Variants in CNTNAP2 observed in about 807,000 individuals in gnomAD.
CNTNAP2 encodes contactin-associated protein-like 2.
Under a neutral mutation model 155.2 loss-of-function variants are expected in CNTNAP2, and 98 were observed. The ratio of observed to expected loss-of-function variants is 0.63; its 90% confidence interval spans 0.54 to 0.75. CNTNAP2 has a LOEUF of 0.75. CNTNAP2 is among the 30% of genes least tolerant of loss of function. The pLI is 0.00. For synonymous variants in CNTNAP2, 651 were observed against 631.2 expected (o/e 1.03, Z -0.47); for missense variants, 1,727 against 1,688.1 (o/e 1.02, Z -0.40).
At chr7:147,711,114 A>T (rs1232181263) in intron 13 of CNTNAP2, among the ~76,000 whole-genome samples, 1 of 152,192 alleles carries the variant, frequency 6.6e-6, no homozygotes, top group Non-Finnish European at 1.5e-5. Context: ...TGTGCTGTGA[A>T]TGTTGATCTT....
chr7:147,017,691 T>C (rs1212936342), intron 3 of CNTNAP2, among the ~76,000 whole-genome samples: 1 of 151,900 alleles, frequency 6.6e-6, no homozygotes. Context: ...CTTTTTACAA[T>C]ACACTCTCAA....
At chr7:147,965,195 T>A (rs1801186062) in intron 14 of CNTNAP2, among the ~76,000 whole-genome samples, 1 of 152,162 alleles carries the variant, frequency 6.6e-6, no homozygotes, top group African/African-American at 2.4e-5. Context: ...CCACTTTTCA[T>A]CTTCTGGACA....
At chr7:147,437,404 T>C (rs1355204010) in intron 10 of CNTNAP2, among the ~76,000 whole-genome samples, 1 of 152,146 alleles carries the variant, frequency 6.6e-6, no homozygotes, top group Non-Finnish European at 1.5e-5. Flanking sequence ...TTTTAGGGAA[T>C]TTTCTTTATT....
Position 146,792,076 on chromosome 7 carries a change from G to A in CNTNAP2, c.208+17695G>A, listed in dbSNP as rs529068920. ...ATCGGGAAATAAAAATCCTGTTGCC[G>A]AATGAGAATTCTACATCTCACTGCC... On this transcript the variant is annotated intron_variant, in intron 2 of 23. Coordinates refer to ENST00000361727, the MANE Select transcript of CNTNAP2 (RefSeq NM_014141.6). 2.4e-4 allele frequency among the ~76,000 whole-genome samples: 37 copies of A among 152,186 alleles called. 1 individual carries two copies. The East Asian group carries it at 5.2e-3, about 21-fold the overall frequency.
chr7:147,146,930 A>C (rs1381228079), intron 8 of CNTNAP2, among the ~76,000 whole-genome samples: 1 of 152,220 alleles, frequency 6.6e-6, no homozygotes, highest in East Asian at 1.9e-4. Flanking sequence ...CTGGGATCAC[A>C]TAGAAGCTTA....
intron 1 of CNTNAP2, among the ~76,000 whole-genome samples, chr7:146,228,007 C>CAG (rs1799323613): frequency 6.6e-6 from 1 of 152,130 alleles, no homozygotes; most frequent in South Asian, 2.1e-4. Flanking sequence ...TATAAACTTC[C>CAG]ACTTCCTACA....
chr7:148,272,404 T>G (rs1336845260), intron 21 of CNTNAP2, among the ~76,000 whole-genome samples: 1 of 152,184 alleles, frequency 6.6e-6, no homozygotes, highest in African/African-American at 2.4e-5. Context: ...AAATATAACT[T>G]GAAGCCGAAA....
At chr7:146,831,114 C>T (rs1343048525) in intron 2 of CNTNAP2, among the ~76,000 whole-genome samples, 2 of 152,108 alleles carry the variant, frequency 1.3e-5, no homozygotes, top group Admixed American at 1.3e-4. Context: ...TATAACCTAC[C>T]ACTATTGCCT....
chr7:147,315,417 AGGCAACCAC>A (rs1460285448), intron 9 of CNTNAP2, among the ~76,000 whole-genome samples: 4 of 149,498 alleles, frequency 2.7e-5, no homozygotes, highest in Middle Eastern at 6.9e-3. Context: ...CCCAAATCGT[AGGCAACCAC>A]GGCAACCACG....
chr7:146,963,289 C>T (rs1276934293), intron 3 of CNTNAP2: 2 of 152,064 alleles, frequency 1.3e-5, no homozygotes, highest in Non-Finnish European at 2.9e-5. Context: ...TGAATCCTAC[C>T]TTCAATTTTA....
chr7:147,738,303 A>G (rs976324434), intron 13 of CNTNAP2, among the ~76,000 whole-genome samples: 2 of 152,246 alleles, frequency 1.3e-5, no homozygotes, highest in African/African-American at 4.8e-5. Context: ...ACTGACTCCA[A>G]TTTTGAAAGA....
At chr7:147,290,239 A>G (rs1031765189) in intron 8 of CNTNAP2, among the ~76,000 whole-genome samples, 1 of 152,206 alleles carries the variant, frequency 6.6e-6, no homozygotes, top group African/African-American at 2.4e-5. Flanking sequence ...CAACAGCATT[A>G]TAACTTATGC....
chr7:147,132,133 T>C (rs1801387151), intron 7 of CNTNAP2, 112 bp from the exon 8 acceptor site: 4 of 1,374,524 alleles, frequency 2.9e-6, no homozygotes, highest in Non-Finnish European at 4.1e-6. Flanking sequence ...TGAGTTTAGC[T>C]TAGGCTCAGG....
At chr7:146,259,278 G>C (rs1410382909) in intron 1 of CNTNAP2, among the ~76,000 whole-genome samples, 1 of 152,102 alleles carries the variant, frequency 6.6e-6, no homozygotes, top group Non-Finnish European at 1.5e-5. Flanking sequence ...ACAGAGAATT[G>C]GTACCGAGAG....
chr7:146,593,374 G>A (rs1024505855), intron 1 of CNTNAP2, among the ~76,000 whole-genome samples: 2 of 152,010 alleles, frequency 1.3e-5, no homozygotes, highest in Admixed American at 6.6e-5. Context: ...CCACTAAGGG[G>A]ATGGAGAAGG....
intron 3 of CNTNAP2, among the ~76,000 whole-genome samples, chr7:146,994,485 T>C (rs1016817544): frequency 3.3e-5 from 5 of 152,172 alleles, no homozygotes; most frequent in African/African-American, 7.2e-5. Flanking sequence ...ATTTAAATTT[T>C]ATAGTGACAA....
At chr7:146,958,460 T>C (rs1178577920) in intron 3 of CNTNAP2, among the ~76,000 whole-genome samples, 1 of 141,374 alleles carries the variant, frequency 7.1e-6, no homozygotes, top group East Asian at 2.1e-4. Flanking sequence ...GTTGCCCAGG[T>C]TGGAGTGCAG....
intron 8 of CNTNAP2, among the ~76,000 whole-genome samples, chr7:147,256,754 G>A (rs151135461): frequency 2.2e-4 from 33 of 152,236 alleles, no homozygotes; most frequent in Middle Eastern, 6.8e-3. Flanking sequence ...GGGAGTGGTG[G>A]GGAACAGGAC....
At chr7:146,254,166 CAA>C (rs1563009691) in intron 1 of CNTNAP2, among the ~76,000 whole-genome samples, 1 of 113,592 alleles carries the variant, frequency 8.8e-6, no homozygotes, top group African/African-American at 6.6e-5. Context: ...CACACACAAG[CAA>C]ACACACACAA....
Sources: allele counts gnomAD v4.1 joint callset (sites outside exome capture counted in the v4.1 genomes callset), GRCh38; gene constraint gnomAD v4.1.1; transcripts MANE v1.5; gene names NCBI Gene and HGNC (gene_info 2026-07-23, HGNC 2026-07-21).